The following QTMAN variants were observed in gnomAD, a reference collection of about 807,000 sequenced individuals.
The protein encoded by QTMAN is tRNA-queuosine alpha-mannosyltransferase.
At chr2:143,953,988 ATACT>A in the QTMAN span, among the ~76,000 whole-genome samples, 1 of 152,002 alleles carries the variant, frequency 6.6e-6, no homozygotes, top group Non-Finnish European at 1.5e-5. Flanking sequence ...TTTTGGAAAA[ATACT>A]TAGTTCAAAG....
chr2:144,066,271 A>G, the QTMAN span, among the ~76,000 whole-genome samples: 1 of 152,178 alleles, frequency 6.6e-6, no homozygotes, highest in East Asian at 1.9e-4. Context: ...TGGACTACAT[A>G]CTAGGATATC....
the QTMAN span, among the ~76,000 whole-genome samples, chr2:144,319,369 G>C: frequency 2.6e-5 from 4 of 151,982 alleles, no homozygotes; most frequent in African/African-American, 4.8e-5. Flanking sequence ...TTTCTTTACT[G>C]TATTTCCCTT....
the QTMAN span, among the ~76,000 whole-genome samples, chr2:144,046,725 T>C: frequency 6.6e-6 from 1 of 152,230 alleles, no homozygotes; most frequent in Non-Finnish European, 1.5e-5. Context: ...AGAGCAGTTT[T>C]CTGATAACTA....
At chr2:144,041,084 G>T in the QTMAN span, among the ~76,000 whole-genome samples, 1 of 152,078 alleles carries the variant, frequency 6.6e-6, no homozygotes, top group African/African-American at 2.4e-5. Flanking sequence ...ATGTCAGATT[G>T]CATGTCAGAC....
At chr2:144,228,691 G>A in the QTMAN span, among the ~76,000 whole-genome samples, 7 of 152,208 alleles carry the variant, frequency 4.6e-5, no homozygotes, top group Non-Finnish European at 8.8e-5. Context: ...AGGCGCAGTG[G>A]CTCATGCCTG....
the QTMAN span, among the ~76,000 whole-genome samples, chr2:144,029,930 C>T: frequency 3.3e-5 from 5 of 152,040 alleles, no homozygotes; most frequent in Admixed American, 3.3e-4. Context: ...GTGTGTGTAC[C>T]CATCTGCATT....
At chr2:144,011,775 A>C in the QTMAN span, 5 of 983,368 alleles carry the variant, frequency 5.1e-6, no homozygotes, top group East Asian at 3.4e-4. Context: ...ATGTCTGAAC[A>C]CTTCCTTTCT....
chr2:144,199,725 G>A, the QTMAN span, among the ~76,000 whole-genome samples: 3 of 152,300 alleles, frequency 2.0e-5, no homozygotes, highest in South Asian at 6.2e-4. Flanking sequence ...CAGTGAATGA[G>A]CTGACAAAGT....
At chr2:144,208,834 T>TTGG in the QTMAN span, 1 of 1,300,704 alleles carries the variant, frequency 7.7e-7, no homozygotes, top group Non-Finnish European at 1.1e-6. Flanking sequence ...TGTATATTTT[T>TTGG]TCCATTACAT....
At chr2:144,283,032 C>T in the QTMAN span, among the ~76,000 whole-genome samples, 1 of 152,082 alleles carries the variant, frequency 6.6e-6, no homozygotes, top group Non-Finnish European at 1.5e-5. Context: ...CAGACCTCAC[C>T]CTACACATCT....
the QTMAN span, among the ~76,000 whole-genome samples, chr2:144,234,705 T>C: frequency 6.6e-6 from 1 of 152,180 alleles, no homozygotes; most frequent in Admixed American, 6.5e-5. Flanking sequence ...GCCTCAGATG[T>C]TATACATGGA....
At chr2:144,215,721 C>T in the QTMAN span, among the ~76,000 whole-genome samples, 1 of 152,156 alleles carries the variant, frequency 6.6e-6, no homozygotes, top group Non-Finnish European at 1.5e-5. Context: ...CCAACATTCA[C>T]AAATGTGGCA....
the QTMAN span, among the ~76,000 whole-genome samples, chr2:144,300,786 A>G: frequency 6.6e-6 from 1 of 152,194 alleles, no homozygotes; most frequent in African/African-American, 2.4e-5. Flanking sequence ...GGGTAGGGAT[A>G]GGGGTTAAAG....
the QTMAN span, among the ~76,000 whole-genome samples, chr2:144,061,768 C>T: frequency 6.6e-6 from 1 of 152,098 alleles, no homozygotes; most frequent in South Asian, 2.1e-4. Flanking sequence ...CTGCCACACC[C>T]CCCATCCTGT....
chr2:144,061,920 T>C, the QTMAN span, among the ~76,000 whole-genome samples: 1 of 152,078 alleles, frequency 6.6e-6, no homozygotes, highest in Non-Finnish European at 1.5e-5. Context: ...GGCTGCGGGA[T>C]TGCCGAACTC....
the QTMAN span, among the ~76,000 whole-genome samples, chr2:144,241,949 A>C: frequency 6.6e-6 from 1 of 152,186 alleles, no homozygotes. Context: ...ATATGATTTC[A>C]TTCTTAACTG....
chr2:144,071,288 G>A, the QTMAN span, among the ~76,000 whole-genome samples: 2 of 151,452 alleles, frequency 1.3e-5, no homozygotes, highest in African/African-American at 2.4e-5. Context: ...ATAGAGTTTC[G>A]AGGGGGATAG....
chr2:143,969,853 T>C, the QTMAN span, among the ~76,000 whole-genome samples: 1 of 152,180 alleles, frequency 6.6e-6, no homozygotes, highest in Non-Finnish European at 1.5e-5. Context: ...TTCTTGACAC[T>C]GTACTAGAAT....
chr2:144,284,739 A>G, the QTMAN span, among the ~76,000 whole-genome samples: 1 of 152,134 alleles, frequency 6.6e-6, no homozygotes, highest in Non-Finnish European at 1.5e-5. Context: ...ATTTCCGTAA[A>G]AAGGTGTTAA....
Sources: allele counts gnomAD v4.1 joint callset (sites outside exome capture counted in the v4.1 genomes callset), GRCh38; gene constraint gnomAD v4.1.1; transcripts MANE v1.5; gene names NCBI Gene and HGNC (gene_info 2026-07-23, HGNC 2026-07-21).